The following NFIB variants were observed in gnomAD, a reference collection of about 807,000 sequenced individuals.
The protein encoded by NFIB is nuclear factor I B.
Under a neutral mutation model 61.5 loss-of-function variants are expected in NFIB, and 11 were observed. That is an observed-to-expected ratio of 0.18 (90% CI 0.11 to 0.30). NFIB has a LOEUF of 0.30. NFIB is among the 10% of genes least tolerant of loss of function. The pLI, the probability that NFIB is intolerant of heterozygous loss-of-function variation, is 1.00. For missense variants in NFIB, 471 were observed against 608.9 expected (o/e 0.77, Z 2.38); for synonymous variants, 260 against 216.5 (o/e 1.20, Z -1.76).
the NFIB span, among the ~76,000 whole-genome samples, chr9:14,426,429 C>T: frequency 6.6e-6 from 1 of 152,150 alleles, no homozygotes; most frequent in Non-Finnish European, 1.5e-5. Flanking sequence ...CTATTTTCTC[C>T]TATAGACTGC....
chr9:14,472,496 C>T, the NFIB span, among the ~76,000 whole-genome samples: 2 of 152,052 alleles, frequency 1.3e-5, no homozygotes, highest in Admixed American at 6.6e-5. Context: ...AAATGTGTAG[C>T]TTGTATTCTG....
At chr9:14,450,291 T>A in the NFIB span, among the ~76,000 whole-genome samples, 2 of 152,160 alleles carry the variant, frequency 1.3e-5, no homozygotes, top group Non-Finnish European at 2.9e-5. Flanking sequence ...TCTGTATAAC[T>A]GGGAAAAGAA....
upstream of NFIB, among the ~76,000 whole-genome samples, chr9:14,318,686 C>T (rs2060597418): frequency 6.6e-6 from 1 of 151,972 alleles, no homozygotes; most frequent in South Asian, 2.1e-4. Context: ...CTGCACCATG[C>T]CCTGGGATCT....
the NFIB span, among the ~76,000 whole-genome samples, chr9:14,445,907 T>C: frequency 6.6e-6 from 1 of 152,192 alleles, no homozygotes; most frequent in Non-Finnish European, 1.5e-5. Context: ...CTAAATAACA[T>C]CCTTTAGAAT....
intron 1 of NFIB, among the ~76,000 whole-genome samples, chr9:14,342,280 A>G (rs1363818554): frequency 6.6e-6 from 1 of 152,232 alleles, no homozygotes; most frequent in Admixed American, 6.5e-5. Flanking sequence ...TAGAAAGAGT[A>G]GACTACTATA....
At chr9:14,271,152 C>T (rs1046159769) in intron 2 of NFIB, among the ~76,000 whole-genome samples, 3 of 150,936 alleles carry the variant, frequency 2.0e-5, no homozygotes, top group African/African-American at 4.9e-5. Flanking sequence ...AAAGCACCAG[C>T]GTCCCATAGA....
the NFIB span, among the ~76,000 whole-genome samples, chr9:14,475,671 C>A: frequency 6.6e-6 from 1 of 152,122 alleles, no homozygotes; most frequent in Non-Finnish European, 1.5e-5. Context: ...CTTCCCCAAC[C>A]CTTCCCAAGG....
At chr9:14,119,817 T>A (rs538553547) in intron 8 of NFIB, among the ~76,000 whole-genome samples, 1 of 152,264 alleles carries the variant, frequency 6.6e-6, no homozygotes, top group South Asian at 2.1e-4. Flanking sequence ...AGAAACCATA[T>A]GTCTAGGGGA....
intron 2 of NFIB, among the ~76,000 whole-genome samples, chr9:14,183,034 G>A (rs1343964224): frequency 1.3e-5 from 2 of 151,912 alleles, no homozygotes; most frequent in African/African-American, 4.8e-5. Context: ...ATATTAAAAT[G>A]AAAAAATTAA....
the NFIB span, among the ~76,000 whole-genome samples, chr9:14,527,145 T>C: frequency 2.0e-5 from 3 of 152,080 alleles, no homozygotes; most frequent in Non-Finnish European, 4.4e-5. Flanking sequence ...GCTAAAATGG[T>C]ACCACAAATG....
chr9:14,416,928 T>A, the NFIB span, among the ~76,000 whole-genome samples: 135 of 147,174 alleles, frequency 9.2e-4, no homozygotes, highest in African/African-American at 3.5e-3. Flanking sequence ...AGTCTTGCCC[T>A]GTTGCCCAGG....
At chr9:14,411,387 T>C in the NFIB span, among the ~76,000 whole-genome samples, 1 of 152,182 alleles carries the variant, frequency 6.6e-6, no homozygotes, top group Non-Finnish European at 1.5e-5. Context: ...CGAGTTCAGA[T>C]AAAGCTCCTC....
rs1563932702 is a variant in NFIB, at chr9:14,237,841, C to CTGTGTGTGTG, written c.563-58062_563-58061insCACACACACA. Among the ~76,000 whole-genome samples the CTGTGTGTGTG allele has an allele frequency of 1.9e-3, 49 of 26,024 alleles. 10 individuals carry two copies. The East Asian group carries it at 0.022, about 12-fold the overall frequency. 17.1% of individuals were successfully genotyped at this position (26,024 alleles called of 152,430 possible). On this transcript the variant is annotated intron_variant, in intron 2 of 10. Coordinates refer to ENST00000380953, the MANE Select transcript of NFIB (RefSeq NM_001190737.2). Reference sequence around the variant, plus strand: ...AAGCTCCTCACCCTGCTAGGTATAACAGTGTGTGTGTGTGTGTGTGTGTGT... The same window carrying CTGTGTGTGTG: ...AAGCTCCTCACCCTGCTAGGTATAACTGTGTGTGTGAGTGTGTGTGTGTGTGTGTGTGTGT...
Position 14,085,606 on chromosome 9 carries a change from T to A in NFIB, c.*2703A>T, listed in dbSNP as rs538519413. The A allele has an allele frequency of 1.4e-5, 3 of 219,982 alleles. No homozygotes were observed. Among genetic ancestry groups the A allele is most frequent in the Non-Finnish European group, 1.8e-5 (2 of 109,844 alleles). The allele number at this position is 219,982 out of a possible 1,614,324, so 13.6% of individuals were successfully genotyped here. A position where few individuals can be genotyped will look rare whatever the true frequency, so the allele number is the denominator to read the frequency against. On this transcript the variant is annotated 3_prime_UTR_variant, in exon 11 of 11. Transcript: ENST00000380953. ...GAGATAAAATGAAAACAGGATTTAC[T>A]TTTTTGTTCCTTAAAAATTGAACTT...
chr9:14,208,813 AAAC>A (rs1342900398), intron 2 of NFIB, among the ~76,000 whole-genome samples: 3 of 152,186 alleles, frequency 2.0e-5, no homozygotes, highest in African/African-American at 7.2e-5. Flanking sequence ...ATCTTTTCTC[AAAC>A]AACTCCAGTA....
the NFIB span, among the ~76,000 whole-genome samples, chr9:14,529,113 C>G: frequency 6.6e-6 from 1 of 152,114 alleles, no homozygotes; most frequent in African/African-American, 2.4e-5. Flanking sequence ...TCTTCGTGTA[C>G]TTGTTTATTT....
intron 3 of NFIB, among the ~76,000 whole-genome samples, chr9:14,158,089 C>T (rs553118951): frequency 7.1e-5 from 10 of 140,230 alleles, no homozygotes; most frequent in South Asian, 2.2e-4. Flanking sequence ...CCAGTCTGGG[C>T]GACAGAACAA....
chr9:14,099,111 T>C (rs2035330906), intron 10 of NFIB, among the ~76,000 whole-genome samples: 1 of 152,240 alleles, frequency 6.6e-6, no homozygotes, highest in East Asian at 1.9e-4. Flanking sequence ...GGAAAAGTGA[T>C]TGTACAAAGA....
intron 1 of NFIB, among the ~76,000 whole-genome samples, chr9:14,348,528 T>C (rs2061062742): frequency 6.6e-6 from 1 of 152,226 alleles, no homozygotes; most frequent in African/African-American, 2.4e-5. Context: ...TAGGTGTCAG[T>C]GCTTCGGCTC....
Sources: gnomAD v4.1 joint callset for allele counts (sites outside exome capture counted in the v4.1 genomes callset) on GRCh38, gnomAD v4.1.1 for gene constraint, MANE v1.5 for transcripts, NCBI Gene and HGNC (gene_info 2026-07-23, HGNC 2026-07-21) for gene names.